The following DZIP1 variants were observed in gnomAD, a reference collection of about 807,000 sequenced individuals.
The protein encoded by DZIP1 is DAZ interacting zinc finger protein 1.
Under a neutral mutation model 107.6 loss-of-function variants are expected in DZIP1, and 97 were observed. That is an observed-to-expected ratio of 0.90 (90% confidence interval 0.77 to 1.07). The LOEUF (loss-of-function observed/expected upper bound fraction) is 1.07. Ranked by LOEUF, DZIP1 falls within the 50% of genes least tolerant of loss-of-function variation. The pLI is 0.00. For synonymous variants in DZIP1, 390 were observed against 386.4 expected (o/e 1.01, Z -0.11); for missense variants, 1,035 against 1,063.6 (o/e 0.97, Z 0.37).
intron 22 of DZIP1, among the ~76,000 whole-genome samples, chr13:95,582,604 T>G (rs2044039652): frequency 6.6e-6 from 1 of 152,196 alleles, no homozygotes; most frequent in Admixed American, 6.5e-5. Flanking sequence ...TTCCCCAGCA[T>G]TCAGCTCAGG....
At position 95,600,621 on chromosome 13, in the gene DZIP1, T is replaced by TAGACAGAC. The variant is rs1440542990; in HGVS notation, c.1478-1198_1478-1197insGTCTGTCT. 6.7e-3 allele frequency among the ~76,000 whole-genome samples: 673 copies of TAGACAGAC among 100,966 alleles called. 3 individuals are homozygous for TAGACAGAC. The highest frequency in any genetic ancestry group is 0.023 in the East Asian group (83 of 3,538). The allele number at this position is 100,966 out of a possible 152,430, so 66.2% of individuals were successfully genotyped here. ...ATAGATAGATAGATAGATAGATAGATAGATAGATAGACAGACAGACAGACA... is the reference window on the plus strand; with the variant it reads ...ATAGATAGATAGATAGATAGATAGATAGACAGACAGATAGATAGACAGACAGACAGACA... On this transcript the variant is annotated intron_variant, in intron 14 of 22. Transcript: ENST00000376829.
intron 7 of DZIP1, 70 bp from the exon 8 acceptor site, chr13:95,624,999 G>A (rs1876361092): frequency 2.2e-6 from 3 of 1,349,826 alleles, no homozygotes; most frequent in Non-Finnish European, 3.0e-6. Context: ...TAAAATAAAA[G>A]TTCATAGCAT....
intron 11 of DZIP1, among the ~76,000 whole-genome samples, 166 bp downstream of exon 11, chr13:95,611,871 T>A (rs2045019025): frequency 6.6e-6 from 1 of 152,230 alleles, no homozygotes; most frequent in Non-Finnish European, 1.5e-5. Context: ...AAATACCTTT[T>A]AAAAATGTAT....
At position 95,604,342 on chromosome 13, in the gene DZIP1, C is replaced by T. The variant is rs1453923741; in HGVS notation, c.1477+1661G>A. Among the ~76,000 whole-genome samples, 6 of 152,238 alleles carry T rather than the reference C, an allele frequency of 3.9e-5. No individual in the cohort carries two copies. The East Asian group carries it at 5.8e-4, about 15-fold the overall frequency. ...CATGACTAACCTGCCCTGCCCCTGC[C>T]GCCCTGGGGAAGCTGGCCTGACGGG... is the stretch of plus-strand genomic sequence containing the variant. On this transcript the variant is annotated intron_variant, in intron 14 of 22. Transcript: ENST00000376829.
At chr13:95,611,234 T>C (rs1464189530) in intron 12 of DZIP1, among the ~76,000 whole-genome samples, 1 of 152,214 alleles carries the variant, frequency 6.6e-6, no homozygotes, top group Admixed American at 6.5e-5. Context: ...AACAACTACA[T>C]GATAGTTTAG....
At chr13:95,603,856 C>T (rs181722631) in intron 14 of DZIP1, among the ~76,000 whole-genome samples, 1 of 152,282 alleles carries the variant, frequency 6.6e-6, no homozygotes, top group East Asian at 1.9e-4. Context: ...CATCAGGGTT[C>T]CCATTTTACC....
intron 22 of DZIP1, 88 bp from the exon 23 acceptor site, chr13:95,582,401 T>C (rs1323352054): frequency 9.8e-6 from 11 of 1,123,786 alleles, no homozygotes; most frequent in Middle Eastern, 2.0e-4. Context: ...AATTTCATAT[T>C]GTCATTAATC....
chr13:95,583,365 G>A (rs1025193829), intron 22 of DZIP1, among the ~76,000 whole-genome samples: 1 of 151,994 alleles, frequency 6.6e-6, no homozygotes, highest in Non-Finnish European at 1.5e-5. Flanking sequence ...GTCCCCATCT[G>A]TCTTTGCAGG....
Position 95,644,451 on chromosome 13 carries a change from G to C in DZIP1, c.-600C>G, listed in dbSNP as rs1292192632. ...GCGACACAGGGGACCCAGACCCCAG[G>C]GTCGCTGCTGACGCGGGCCGGGCCC... On this transcript the variant is annotated 5_prime_UTR_variant, in exon 1 of 23. Transcript: ENST00000376829. The C allele has an allele frequency of 6.5e-6, 1 of 152,850 alleles. No homozygotes were observed. The highest frequency in any genetic ancestry group is 1.5e-5 in the Non-Finnish European group (1 of 68,648). The allele number at this position is 152,850 out of a possible 1,614,324, so 9.5% of individuals were successfully genotyped here.
At chr13:95,643,755 T>A (rs1469544176) in intron 1 of DZIP1, 57 bp from the exon 2 acceptor site, 4 of 152,628 alleles carry the variant, frequency 2.6e-5, no homozygotes, top group Non-Finnish European at 5.9e-5. Context: ...GACACGTGAA[T>A]GAAGAACGAT....
intron 7 of DZIP1, among the ~76,000 whole-genome samples, chr13:95,628,358 A>T (rs935551139): frequency 1.3e-5 from 2 of 152,058 alleles, no homozygotes; most frequent in African/African-American, 2.4e-5. Flanking sequence ...ATTTTTTTTT[A>T]AAAGATATAT....
At chr13:95,592,849 A>C (rs1262942118) in intron 16 of DZIP1, among the ~76,000 whole-genome samples, 1 of 152,218 alleles carries the variant, frequency 6.6e-6, no homozygotes, top group Non-Finnish European at 1.5e-5. Context: ...TAAAATCATT[A>C]AGCAAAAGAA....
At chr13:95,626,905 T>A (rs553476395) in intron 7 of DZIP1, among the ~76,000 whole-genome samples, 1 of 152,316 alleles carries the variant, frequency 6.6e-6, no homozygotes, top group Admixed American at 6.5e-5. Context: ...TGTTCATGGA[T>A]TGGTAGATTT....
In DZIP1 at chr13:95,617,928, G is replaced by T. The variant is rs191021893; in HGVS notation, c.1173+1957C>A. ...ACTCGGGGATTGAGAGAGAAAGGTG[G>T]AATCAAGATGAGCATCTGGAGGAAC... On this transcript the variant is annotated intron_variant, in intron 10 of 22. Coordinates refer to ENST00000376829, the MANE Select transcript of DZIP1 (RefSeq NM_198968.4). 1,900 of 517,526 alleles carry T rather than the reference G, an allele frequency of 3.7e-3. 13 individuals carry two copies. Among genetic ancestry groups the T allele is most frequent in the Non-Finnish European group, 5.2e-3 (1,361 of 259,844 alleles). The allele number at this position is 517,526 out of a possible 1,614,324, so 32.1% of individuals were successfully genotyped here.
chr13:95,623,308 T>C (rs1056306989), intron 8 of DZIP1, among the ~76,000 whole-genome samples: 2 of 152,110 alleles, frequency 1.3e-5, no homozygotes, highest in South Asian at 2.1e-4. Flanking sequence ...GCACGTCTCC[T>C]CTCCTCAGTG....
intron 7 of DZIP1, among the ~76,000 whole-genome samples, chr13:95,625,509 G>A (rs993345463): frequency 4.6e-5 from 7 of 152,162 alleles, no homozygotes; most frequent in South Asian, 2.1e-4. Context: ...AGTGCACATG[G>A]AATATTTACC....
chr13:95,628,142 C>T (rs1594726324), intron 7 of DZIP1, among the ~76,000 whole-genome samples: 1 of 152,038 alleles, frequency 6.6e-6, no homozygotes, highest in South Asian at 2.1e-4. Flanking sequence ...TGGACTCAAG[C>T]CATCTTCCTC....
intron 2 of DZIP1, 69 bp downstream of exon 2, chr13:95,643,532 G>A (rs1878769362): frequency 6.6e-6 from 1 of 152,554 alleles, no homozygotes; most frequent in South Asian, 2.1e-4. Context: ...CTTGCTCCCT[G>A]ATCTAGAACA....
Position 95,594,071 on chromosome 13 carries a change from T to A in DZIP1, c.1553A>T (p.Gln518Leu), listed in dbSNP as rs780691655. 5 of 1,602,624 alleles carry A rather than the reference T, an allele frequency of 3.1e-6. No individual in the cohort carries two copies. The Admixed American group carries it at 6.9e-5, about 22-fold the overall frequency. ...SEEEKGRENE[Q>L]KLNNNKMHLR... The stretch of plus-strand genomic sequence containing the variant: ...ATGCATTTTGTTGTTATTTAATTTC[T>A]GTTCATTTTCCCTTCCTGAAATAAG... Residue 518 changes from glutamine (Q) to leucine (L), a missense_variant, in exon 16 of 23, where the codon CAG becomes CTG. Coordinates refer to ENST00000376829, the MANE Select transcript of DZIP1 (RefSeq NM_198968.4).
Sources: allele counts gnomAD v4.1 joint callset (sites outside exome capture counted in the v4.1 genomes callset), GRCh38; gene constraint gnomAD v4.1.1; transcripts MANE v1.5; gene names NCBI Gene and HGNC (gene_info 2026-07-23, HGNC 2026-07-21).